HK1: variants seen among roughly 807,000 people sequenced by gnomAD.
The protein encoded by HK1 is hexokinase 1.
A neutral mutation model predicts 91.6 loss-of-function variants in HK1; 28 were observed. That is an observed-to-expected ratio of 0.31 (90% confidence interval 0.23 to 0.42). HK1 has a LOEUF of 0.42. Ranked by LOEUF, HK1 falls within the 10% of genes least tolerant of loss-of-function variation. HK1 has a pLI of 1.00. For missense variants in HK1, 770 were observed against 1,219.8 expected (o/e 0.63, Z 5.49); for synonymous variants, 430 against 468.1 (o/e 0.92, Z 1.05).
intron 1 of HK1, among the ~76,000 whole-genome samples, chr10:69,276,043 T>C (rs1844419355): frequency 7.3e-6 from 1 of 137,234 alleles, no homozygotes; most frequent in Non-Finnish European, 1.5e-5. Flanking sequence ...TGAGCCAAGA[T>C]TGTGTCATTG....
chr10:69,338,794 G>T lies in HK1; in HGVS notation c.64-5033G>T, dbSNP rs191392545. 3.0e-3 allele frequency: 2,662 copies of T among 891,350 alleles called. 25 individuals carry two copies. Among genetic ancestry groups the T allele is most frequent in the Admixed American group, 0.019 (645 of 33,668 alleles). 55.2% of individuals were successfully genotyped at this position (891,350 alleles called of 1,614,324 possible). A position where few individuals can be genotyped will look rare whatever the true frequency, so the allele number is the denominator to read the frequency against. Reference sequence around the variant, plus strand: ...ATGTGAGAGTGTGTGTGTGTAGAGAGAGAGGGAAGAGGGGAAAAGGAAGGA... The same window carrying T: ...ATGTGAGAGTGTGTGTGTGTAGAGATAGAGGGAAGAGGGGAAAAGGAAGGA... On this transcript the variant is annotated intron_variant, in intron 1 of 17. Transcript: ENST00000359426.
chr10:69,340,439 C>T (rs889077145), intron 1 of HK1, among the ~76,000 whole-genome samples: 21 of 152,010 alleles, frequency 1.4e-4, no homozygotes, highest in African/African-American at 4.4e-4. Context: ...TAGTAGAGAC[C>T]GGGTTTTACC....
chr10:69,332,029 C>T (rs917319679), intron 1 of HK1, among the ~76,000 whole-genome samples: 1 of 152,154 alleles, frequency 6.6e-6, no homozygotes, highest in African/African-American at 2.4e-5. Context: ...CTTGATTGCA[C>T]CACTGCACTC....
chr10:69,292,213 G>A (rs1455050477), intron 3 of HK1: 8 of 313,208 alleles, frequency 2.6e-5, no homozygotes, highest in Non-Finnish European at 5.1e-5. Flanking sequence ...TGGGACTAGA[G>A]GCGTGTGCCC....
intron 3 of HK1, 61 bp downstream of exon 3, chr10:69,360,106 G>A (rs1293706169): frequency 7.9e-6 from 12 of 1,523,710 alleles, no homozygotes; most frequent in African/African-American, 6.8e-5. Context: ...TTACCTCCAG[G>A]AACCAGGCCT....
intron 1 of HK1, among the ~76,000 whole-genome samples, chr10:69,332,357 TTTTC>T (rs140249017): frequency 4.8e-4 from 67 of 140,830 alleles, no homozygotes; most frequent in African/African-American, 9.2e-4. Context: ...CTAGGCCTCA[TTTTC>T]TTTCTTTCTT....
At chr10:69,325,044 A>ATTTTTTTTTTTT in intron 1 of HK1, among the ~76,000 whole-genome samples, 1 of 93,904 alleles carries the variant, frequency 1.1e-5, no homozygotes, top group Non-Finnish European at 2.0e-5. Flanking sequence ...AAAAATGTGT[A>ATTTTTTTTTTTT]TTTTTTTTTT....
intron 3 of HK1, among the ~76,000 whole-genome samples, chr10:69,362,004 A>G (rs1849449585): frequency 6.6e-6 from 1 of 152,028 alleles, no homozygotes; most frequent in South Asian, 2.1e-4. Flanking sequence ...GTTCGTAGAG[A>G]TGGGGTTTCT....
intron 10 of HK1, among the ~76,000 whole-genome samples, chr10:69,383,602 G>C (rs1405789557): frequency 6.6e-6 from 1 of 152,218 alleles, no homozygotes; most frequent in Non-Finnish European, 1.5e-5. Context: ...TGCTCATCAG[G>C]GCCAGGATTG....
At chr10:69,285,029 T>A (rs1428371595) in intron 2 of HK1, among the ~76,000 whole-genome samples, 1 of 151,886 alleles carries the variant, frequency 6.6e-6, no homozygotes, top group Non-Finnish European at 1.5e-5. Context: ...ATGTTGGCCA[T>A]GATGGTCTCG....
intron 10 of HK1, 56 bp downstream of exon 10, chr10:69,382,847 G>T: frequency 1.3e-6 from 2 of 1,567,304 alleles, no homozygotes; most frequent in Non-Finnish European, 1.7e-6. Context: ...GAACTGAGCC[G>T]CAGTGGGGGA....
At position 69,401,528 on chromosome 10, in the gene HK1, G is replaced by T; in HGVS notation, c.*393G>T. 1 of 354,252 alleles carries T rather than the reference G, an allele frequency of 2.8e-6. No individual in the cohort carries two copies. The allele number at this position is 354,252 out of a possible 1,614,324, so 21.9% of individuals were successfully genotyped here. A position where few individuals can be genotyped will look rare whatever the true frequency, so the allele number is the denominator to read the frequency against. ...CATCCTTGGGGTTCCCCCTCCCTGTGTGAAATGTATTATCACCAGCAGACA... is the reference window on the plus strand; with the variant it reads ...CATCCTTGGGGTTCCCCCTCCCTGTTTGAAATGTATTATCACCAGCAGACA... On this transcript the variant is annotated 3_prime_UTR_variant, in exon 18 of 18. Coordinates refer to ENST00000359426, the MANE Select transcript of HK1 (RefSeq NM_000188.3).
intron 8 of HK1, 42 bp from the exon 9 acceptor site, chr10:69,379,820 A>T (rs1324451854): frequency 2.9e-6 from 4 of 1,369,304 alleles, no homozygotes; most frequent in South Asian, 1.2e-5. Flanking sequence ...GCACTGCCTC[A>T]TGTGGTCCTC....
chr10:69,285,918 G>A (rs573483677), intron 2 of HK1, among the ~76,000 whole-genome samples: 55 of 152,232 alleles, frequency 3.6e-4, no homozygotes, highest in Non-Finnish European at 6.5e-4. Flanking sequence ...CTCCTACTCC[G>A]TCTCCTGGGT....
intron 3 of HK1, chr10:69,292,418 C>T: frequency 2.4e-6 from 1 of 417,526 alleles, no homozygotes. Flanking sequence ...CTGGAAAGAT[C>T]ATCCCTGCCC....
chr10:69,394,419 C>G (rs890732381), intron 15 of HK1, among the ~76,000 whole-genome samples: 1 of 152,172 alleles, frequency 6.6e-6, no homozygotes, highest in Non-Finnish European at 1.5e-5. Flanking sequence ...CAGTCATTTG[C>G]TTATTCTGCA....
rs192026250 is a variant in HK1 at position 69,328,662 on chromosome 10, A to G, written c.63+9652A>G. On this transcript the variant is annotated intron_variant, in intron 1 of 17. Coordinates refer to ENST00000359426, the MANE Select transcript of HK1 (RefSeq NM_000188.3). Reference sequence around the variant, plus strand: ...TCAATTGAGTTATAATTCACCTACCATGAAACGCATCATTGTACAGTGTAC... The same window carrying G: ...TCAATTGAGTTATAATTCACCTACCGTGAAACGCATCATTGTACAGTGTAC... 1.6e-4 allele frequency among the ~76,000 whole-genome samples: 25 copies of G among 152,304 alleles called. 1 individual carries two copies. Among genetic ancestry groups the G allele is most frequent in the African/African-American group, 6.0e-4 (25 of 41,564 alleles).
At chr10:69,293,575 G>T (rs966189133) in intron 3 of HK1, among the ~76,000 whole-genome samples, 1 of 152,128 alleles carries the variant, frequency 6.6e-6, no homozygotes, top group African/African-American at 2.4e-5. Flanking sequence ...TTATTTACCG[G>T]CAATCCTGTG....
rs1160327358 is a variant in HK1 at position 69,380,356 on chromosome 10, G to A, written c.1265+261G>A. ...AATAAATAGATAAATAACATGCTTA[G>A]TTCTGGGCATAAGGTCAGCGTCGCC... On this transcript the variant is annotated intron_variant, in intron 9 of 17. Coordinates refer to ENST00000359426, the MANE Select transcript of HK1 (RefSeq NM_000188.3). This position sits in a 1 kb window ranked among gnomAD's most constrained non-coding sequence, Gnocchi z 4.0. 6.6e-6 allele frequency among the ~76,000 whole-genome samples: 1 copy of A among 152,198 alleles called. No homozygotes were observed. Among genetic ancestry groups the A allele is most frequent in the Non-Finnish European group, 1.5e-5 (1 of 68,026 alleles).
Sources: gnomAD v4.1 joint callset for allele counts (sites outside exome capture counted in the v4.1 genomes callset) on GRCh38, gnomAD v4.1.1 for gene constraint, Gnocchi (gnomAD v3.1) non-coding constraint, MANE v1.5 for transcripts, NCBI Gene and HGNC (gene_info 2026-07-23, HGNC 2026-07-21) for gene names.